UGT1A4: variants seen among roughly 807,000 people sequenced by gnomAD.
UGT1A4 encodes the protein UDP-glucuronosyltransferase 1A4.
UGT1A4 carries 32 observed loss-of-function variants against 41.1 expected under a neutral mutation model. The observed-to-expected ratio is 0.78, with a 90% CI of 0.59 to 1.05. The LOEUF (loss-of-function observed/expected upper bound fraction) is 1.05. Ranked by LOEUF, UGT1A4 falls within the 50% of genes least tolerant of loss-of-function variation. The probability of loss-of-function intolerance (pLI) is 0.00; values close to 1 mark genes in which losing one functional copy is unlikely to be tolerated. For synonymous variants in UGT1A4, 283 were observed against 265.1 expected (o/e 1.07, Z -0.66); for missense variants, 748 against 677.4 (o/e 1.10, Z -1.16).
At position 233,718,893 on chromosome 2, in the gene UGT1A4, T is replaced by C. The variant is rs1280624543; in HGVS notation, c.73T>C (p.Trp25Arg). The C allele has an allele frequency of 6.2e-7, 1 of 1,613,958 alleles. No individual in the cohort carries two copies. The highest frequency in any genetic ancestry group is 2.2e-5 in the East Asian group (1 of 44,884). ...GCTGCTCCTCCTCAGTGTCCAGCCC[T>C]GGGCTGAGAGTGGAAAGGTGTTGGT... ...GLLLLLSVQP[W>R]AESGKVLVVP... is the part of the protein sequence containing the mutation. The change falls in exon 1 of 5, where the codon TGG becomes CGG. Residue 25 changes from tryptophan to arginine, a missense_variant. Physicochemically the swap from Trp to Arg is moderately radical, Grantham distance 101. Transcript: ENST00000373409.
chr2:233,741,319 C>A (rs2125834585), intron 1 of UGT1A4, among the ~76,000 whole-genome samples: 1 of 151,674 alleles, frequency 6.6e-6, no homozygotes, highest in South Asian at 2.1e-4. Flanking sequence ...CCAACTCATT[C>A]TACTCTACCC....
At chr2:233,729,423 G>A in intron 1 of UGT1A4, 2 of 1,613,822 alleles carry the variant, frequency 1.2e-6, no homozygotes, top group East Asian at 4.5e-5. Flanking sequence ...ACACTCAACT[G>A]TACTTTGAAA....
At chr2:233,770,765 A>G (rs962602628) in intron 4 of UGT1A4, 1 of 152,230 alleles carries the variant, frequency 6.6e-6, no homozygotes, top group Non-Finnish European at 1.5e-5. Context: ...ATTACATTAT[A>G]ATAATGTTTC....
intron 1 of UGT1A4, 77 bp from the exon 2 acceptor site, chr2:233,766,957 C>A: frequency 6.2e-7 from 1 of 1,604,766 alleles, no homozygotes; most frequent in East Asian, 2.2e-5. Context: ...AGGAAGATAT[C>A]TAATTCATAA....
intron 1 of UGT1A4, among the ~76,000 whole-genome samples, chr2:233,730,472 G>T (rs2078038182): frequency 6.6e-6 from 1 of 152,162 alleles, no homozygotes; most frequent in South Asian, 2.1e-4. Context: ...GGAGACCTAG[G>T]CACTCACATG....
intron 1 of UGT1A4, among the ~76,000 whole-genome samples, chr2:233,722,696 T>G (rs1380432691): frequency 6.6e-6 from 1 of 152,188 alleles, no homozygotes; most frequent in African/African-American, 2.4e-5. Context: ...TTTCATTGCT[T>G]TTAGATAATT....
chr2:233,759,375 T>C (rs1697120269), intron 1 of UGT1A4, among the ~76,000 whole-genome samples: 2 of 152,058 alleles, frequency 1.3e-5, no homozygotes, highest in Admixed American at 1.3e-4. Flanking sequence ...AGGTACAGGT[T>C]TTCAGGATAC....
rs2076681520 is a variant in UGT1A4, at chr2:233,718,763, A to G, written c.-58A>G. ...TGACAAGGTAATTAAGGCGAAGGAA[A>G]CAAATGTAGCAGGCACAGCGTGGGG... On this transcript the variant is annotated 5_prime_UTR_variant, in exon 1 of 5. Transcript: ENST00000373409. 3 of 1,612,572 alleles carry G rather than the reference A, an allele frequency of 1.9e-6. No homozygotes were observed. Among genetic ancestry groups the G allele is most frequent in the Non-Finnish European group, 1.7e-6 (2 of 1,180,000 alleles).
In UGT1A4 at chr2:233,743,685, T is replaced by C. The variant is rs192235508; in HGVS notation, c.868-23349T>C. The C allele has an allele frequency of 2.3e-3, 3,085 of 1,367,218 alleles. 13 individuals carry two copies. The highest frequency in any genetic ancestry group is 0.017 in the Middle Eastern group (80 of 4,768). The allele number at this position is 1,367,218 out of a possible 1,614,324, so 84.7% of individuals were successfully genotyped here. A position where few individuals can be genotyped will look rare whatever the true frequency, so the allele number is the denominator to read the frequency against. On this transcript the variant is annotated intron_variant, in intron 1 of 4. Coordinates refer to ENST00000373409, the MANE Select transcript of UGT1A4 (RefSeq NM_007120.3). ...GGGTCCTCGAAGGGCCTGCCGCCTG[T>C]GCAGCCGCCCTCCGCCCCCGCCTCG...
intron 4 of UGT1A4, chr2:233,771,640 G>C (rs183876140): frequency 4.5e-4 from 68 of 152,464 alleles, no homozygotes; most frequent in African/African-American, 1.6e-3. Context: ...TTATTTTACT[G>C]TATGAAAATA....
intron 1 of UGT1A4, chr2:233,761,263 A>G (rs953290784): frequency 6.9e-6 from 11 of 1,601,374 alleles, no homozygotes; most frequent in Non-Finnish European, 9.4e-6. Flanking sequence ...ATAATTTAAA[A>G]TGCCCTCTTT....
chr2:233,724,349 A>G (rs1243720800), intron 1 of UGT1A4, among the ~76,000 whole-genome samples: 1 of 126,480 alleles, frequency 7.9e-6, no homozygotes, highest in Admixed American at 7.8e-5. Flanking sequence ...GACCCCCCCC[A>G]CCTCCCTCCC....
intron 1 of UGT1A4, among the ~76,000 whole-genome samples, chr2:233,737,484 A>G (rs561393011): frequency 6.6e-6 from 1 of 152,316 alleles, no homozygotes; most frequent in East Asian, 1.9e-4. Context: ...TGTCTAGGAA[A>G]GGGAAATCCC....
Position 233,768,357 on chromosome 2 carries a change from G to A in UGT1A4, c.1225G>A (p.Gly409Arg). Residue 409 changes from glycine (G) to arginine (R), a missense_variant, in exon 4 of 5, where the codon GGA becomes AGA. By Grantham distance (125) the Gly-to-Arg change is moderately radical. Transcript: ENST00000373409. ...CAATGCAAAGCGCATGGAGACTAAG[G>A]GAGCTGGAGTGACCCTGAATGTTCT... ...MDNAKRMETK[G>R]AGVTLNVLEM... 6 of 1,614,142 alleles carry A rather than the reference G, an allele frequency of 3.7e-6. No homozygotes were observed. The highest frequency in any genetic ancestry group is 5.1e-6 in the Non-Finnish European group (6 of 1,180,032).
intron 1 of UGT1A4, among the ~76,000 whole-genome samples, chr2:233,757,551 T>TATATATATATATATATACATATAC (rs1696621999): frequency 1.3e-5 from 1 of 78,674 alleles, no homozygotes; most frequent in Non-Finnish European, 2.5e-5. Flanking sequence ...TATATATATA[T>TATATATATATATATATACATATAC]ATATATATAT....
rs200041554 is a variant in UGT1A4, at chr2:233,772,747, T to C, written c.*188T>C. The C allele has an allele frequency of 7.0e-7, 1 of 1,423,162 alleles. No individual in the cohort carries two copies. Among genetic ancestry groups the C allele is most frequent in the South Asian group, 1.5e-5 (1 of 67,222 alleles). The allele number at this position is 1,423,162 out of a possible 1,614,324, so 88.2% of individuals were successfully genotyped here. A position where few individuals can be genotyped will look rare whatever the true frequency, so the allele number is the denominator to read the frequency against. On this transcript the variant is annotated 3_prime_UTR_variant, in exon 5 of 5. Coordinates refer to ENST00000373409, the MANE Select transcript of UGT1A4 (RefSeq NM_007120.3). ...TAGACTCGCTAGTCAGTAAAGATAT[T>C]TGAATATGTATCGTGCCCCCTCTGG...
intron 4 of UGT1A4, chr2:233,771,269 T>A (rs1318778151): frequency 6.6e-6 from 1 of 152,200 alleles, no homozygotes; most frequent in African/African-American, 2.4e-5. Flanking sequence ...CCTTTTTTTT[T>A]CTTTCTTCTC....
At chr2:233,730,131 C>T (rs2077990612) in intron 1 of UGT1A4, 1 of 1,535,524 alleles carries the variant, frequency 6.5e-7, no homozygotes, top group Middle Eastern at 2.3e-4. Context: ...TAATAGCCTT[C>T]AGTGAGATAA....
chr2:233,767,701 T>A, intron 2 of UGT1A4, 148 bp from the exon 3 acceptor site: 2 of 1,506,270 alleles, frequency 1.3e-6, no homozygotes, highest in Admixed American at 2.1e-5. Flanking sequence ...AAGTTGCCAG[T>A]CCTCAGAAGC....
Sources: gnomAD v4.1 joint callset for allele counts (sites outside exome capture counted in the v4.1 genomes callset) on GRCh38, gnomAD v4.1.1 for gene constraint, MANE v1.5 for transcripts, NCBI Gene and HGNC (gene_info 2026-07-23, HGNC 2026-07-21) for gene names.